The following FAT3 variants were observed in gnomAD, a reference collection of about 807,000 sequenced individuals.
FAT3 encodes the protein protocadherin Fat 3.
FAT3 carries 95 observed loss-of-function variants against 310.2 expected under a neutral mutation model. The observed-to-expected ratio is 0.31, with a 90% confidence interval of 0.26 to 0.36. The LOEUF (loss-of-function observed/expected upper bound fraction) is 0.36. Among genes scored for constraint, FAT3 ranks in the 10% least tolerant of loss-of-function variants. The pLI is 1.00. For synonymous variants in FAT3, 2,314 were observed against 2,192.9 expected, an observed-to-expected ratio of 1.06 and a Z score of -1.54; for missense variants, 5,408 against 5,715.6, an observed-to-expected ratio of 0.95 and a Z score of 1.74.
At chr11:92,382,501 TATGAGA>T (rs1949518744) in intron 2 of FAT3, among the ~76,000 whole-genome samples, 2 of 152,124 alleles carry the variant, frequency 1.3e-5, no homozygotes, top group Admixed American at 1.3e-4. Flanking sequence ...GGGAGATCAT[TATGAGA>T]TCCTGCCTCG....
intron 1 of FAT3, among the ~76,000 whole-genome samples, chr11:92,278,575 T>C (rs1239552746): frequency 6.6e-6 from 1 of 152,138 alleles, no homozygotes; most frequent in Admixed American, 6.6e-5. Context: ...ATATGTATTC[T>C]TTATGAAGTA....
intron 1 of FAT3, among the ~76,000 whole-genome samples, chr11:92,327,523 T>C (rs1591113512): frequency 6.6e-6 from 1 of 152,338 alleles, no homozygotes; most frequent in East Asian, 1.9e-4. Context: ...TAAAAAGAAG[T>C]TAAAAGATGC....
intron 1 of FAT3, among the ~76,000 whole-genome samples, chr11:92,280,676 A>G (rs1001603146): frequency 5.3e-5 from 8 of 152,182 alleles, no homozygotes; most frequent in African/African-American, 1.9e-4. Context: ...TTAGATCTCT[A>G]TAATTCAGCT....
chr11:92,864,710 G>A (rs886402321), intron 21 of FAT3, among the ~76,000 whole-genome samples: 3 of 152,032 alleles, frequency 2.0e-5, no homozygotes, highest in Non-Finnish European at 2.9e-5. Flanking sequence ...CCAGCTACTC[G>A]GGAGGCTGAG....
intron 6 of FAT3, 42 bp from the exon 7 acceptor site, chr11:92,773,999 G>C (rs1219479818): frequency 1.2e-6 from 2 of 1,607,408 alleles, no homozygotes; most frequent in Non-Finnish European, 1.7e-6. Flanking sequence ...CATGTAACAA[G>C]TTATCAGATT....
At chr11:92,825,135 T>C in intron 13 of FAT3, among the ~76,000 whole-genome samples, 1 of 152,238 alleles carries the variant, frequency 6.6e-6, no homozygotes, top group East Asian at 1.9e-4. Flanking sequence ...GTTATTTAAT[T>C]CTTTCAGCAC....
chr11:92,268,896 G>A (rs963909825), intron 1 of FAT3, among the ~76,000 whole-genome samples: 8 of 152,002 alleles, frequency 5.3e-5, no homozygotes, highest in African/African-American at 1.9e-4. Context: ...GATTTTTGTT[G>A]CAGTAAAGGG....
Position 92,392,123 on chromosome 11 carries a change from C to G in FAT3, c.3292+36719C>G, listed in dbSNP as rs192308784. ...CAGTTCTGTGCTTTTAGGTCATTTA[C>G]TCATTGGCCAGTTCATGTCTCTGGG... is the stretch of plus-strand genomic sequence containing the variant. On this transcript the variant is annotated intron_variant, in intron 2 of 27. Coordinates refer to ENST00000525166, the MANE Select transcript of FAT3 (RefSeq NM_001367949.2). Among the ~76,000 whole-genome samples, 9 of 152,214 alleles carry G rather than the reference C, an allele frequency of 5.9e-5. No individual in the cohort carries two copies. The East Asian group carries it at 1.6e-3, about 26-fold the overall frequency.
At chr11:92,759,251 A>T (rs776299567) in intron 4 of FAT3, among the ~76,000 whole-genome samples, 4 of 152,210 alleles carry the variant, frequency 2.6e-5, no homozygotes, top group Non-Finnish European at 5.9e-5. Context: ...TTAGAGCCTC[A>T]TTTATTAAAT....
chr11:92,263,211 A>G (rs1344084203), intron 1 of FAT3, among the ~76,000 whole-genome samples: 1 of 151,736 alleles, frequency 6.6e-6, no homozygotes, highest in African/African-American at 2.4e-5. Context: ...CGACAATTCT[A>G]GGCATTCTGT....
chr11:92,292,517 G>A (rs554994077), intron 1 of FAT3, among the ~76,000 whole-genome samples: 20 of 152,174 alleles, frequency 1.3e-4, no homozygotes, highest in African/African-American at 4.6e-4. Flanking sequence ...AGCATGTGTA[G>A]TTTTAAAACA....
intron 25 of FAT3, among the ~76,000 whole-genome samples, chr11:92,888,376 A>G (rs960117508): frequency 3.3e-5 from 5 of 152,200 alleles, no homozygotes; most frequent in Non-Finnish European, 5.9e-5. Flanking sequence ...TATAGAGTCC[A>G]GAGTCCAGGC....
At chr11:92,527,496 C>G (rs1591404132) in intron 3 of FAT3, among the ~76,000 whole-genome samples, 1 of 152,160 alleles carries the variant, frequency 6.6e-6, no homozygotes, top group African/African-American at 2.4e-5. Context: ...ACCTTGCTTA[C>G]TCTGCAAGGG....
Position 92,801,508 on chromosome 11 carries a change from A to T in FAT3, c.8495A>T (p.Lys2832Ile). Residue 2832 changes from lysine to isoleucine, a missense_variant, in exon 10 of 28, where the codon AAA (lysine) becomes ATA (isoleucine). Around this residue, in one of 5 missense-constraint regions of FAT3, gnomAD observed 4,588 missense variants for 4,809.8 expected, o/e 0.95. Transcript: ENST00000525166. ...ATGGAAGGGATGCCTGTTGGCACCAAACTCACACAAGTGAGAGCTATTGAT... is the reference window on the plus strand; with the variant it reads ...ATGGAAGGGATGCCTGTTGGCACCATACTCACACAAGTGAGAGCTATTGAT... ...IIMEGMPVGT[K>I]LTQVRAIDMD... is the part of the protein sequence containing the mutation. 1 of 1,611,648 alleles carries T rather than the reference A, an allele frequency of 6.2e-7. No homozygotes were observed. Among genetic ancestry groups the T allele is most frequent in the Non-Finnish European group, 8.5e-7 (1 of 1,178,766 alleles).
At chr11:92,258,468 T>A (rs1865402888) in intron 1 of FAT3, among the ~76,000 whole-genome samples, 1 of 151,894 alleles carries the variant, frequency 6.6e-6, no homozygotes, top group Non-Finnish European at 1.5e-5. Context: ...AAGAAGGAGA[T>A]GTTCCAACTG....
chr11:92,270,478 A>G (rs1250938674), intron 1 of FAT3, among the ~76,000 whole-genome samples: 3 of 151,832 alleles, frequency 2.0e-5, no homozygotes, highest in Non-Finnish European at 2.9e-5. Flanking sequence ...CAGGAGTTCA[A>G]GATCAGTCTG....
At chr11:92,343,997 AATTC>A (rs1948343592) in intron 1 of FAT3, among the ~76,000 whole-genome samples, 1 of 152,190 alleles carries the variant, frequency 6.6e-6, no homozygotes, top group South Asian at 2.1e-4. Flanking sequence ...GAAAGAAAGG[AATTC>A]ATGATCAAAT....
chr11:92,385,807 G>A (rs1157043392), intron 2 of FAT3, among the ~76,000 whole-genome samples: 2 of 152,028 alleles, frequency 1.3e-5, no homozygotes, highest in Non-Finnish European at 2.9e-5. Context: ...AGATTACATG[G>A]TTTACTGGAG....
chr11:92,741,574 A>C (rs1565556529), intron 4 of FAT3, among the ~76,000 whole-genome samples: 1 of 152,150 alleles, frequency 6.6e-6, no homozygotes. Context: ...ATACTTCCTA[A>C]ATATTAGTTA....
Sources: gnomAD v4.1 joint callset for allele counts (sites outside exome capture counted in the v4.1 genomes callset) on GRCh38, gnomAD v4.1.1 for gene constraint, gnomAD v4.1.1 regional missense constraint, MANE v1.5 for transcripts, NCBI Gene and HGNC (gene_info 2026-07-23, HGNC 2026-07-21) for gene names.